The following KCNQ5 variants were observed in gnomAD, a reference collection of about 807,000 sequenced individuals.
The protein encoded by KCNQ5 is potassium voltage-gated channel subfamily KQT member 5.
Under a neutral mutation model 98.2 loss-of-function variants are expected in KCNQ5, and 30 were observed. That is an observed-to-expected ratio of 0.31 (90% CI 0.23 to 0.41). The LOEUF is 0.41. Ranked by LOEUF, KCNQ5 falls within the 10% of genes least tolerant of loss-of-function variation. The pLI, the probability that KCNQ5 is intolerant of heterozygous loss-of-function variation, is 1.00. For synonymous variants in KCNQ5, 458 were observed against 449.4 expected, an observed-to-expected ratio of 1.02 and a Z score of -0.24; for missense variants, 835 against 1,182.5, an observed-to-expected ratio of 0.71 and a Z score of 4.31.
At chr6:72,719,007 T>A (rs1769808865) in intron 1 of KCNQ5, among the ~76,000 whole-genome samples, 2 of 152,220 alleles carry the variant, frequency 1.3e-5, no homozygotes, top group Non-Finnish European at 2.9e-5. Flanking sequence ...GGTAGAGGTA[T>A]TTATATTTAG....
In KCNQ5 at chr6:72,933,447, G is replaced by A. The variant is rs79081786; in HGVS notation, c.399-70461G>A. 2.1e-3 allele frequency among the ~76,000 whole-genome samples: 315 copies of A among 152,212 alleles called. 1 individual carries two copies. Among genetic ancestry groups the A allele is most frequent in the African/African-American group, 7.5e-3 (310 of 41,536 alleles). On this transcript the variant is annotated intron_variant, in intron 1 of 13. Transcript: ENST00000370398. ...TGTTGGCGGTGGAGGGGATGAGGGA[G>A]GTTAGGAGGCAGCACCCTTTTTCTT...
At chr6:73,111,265 T>C (rs769642662) in intron 6 of KCNQ5, 43 bp from the exon 7 acceptor site, 3 of 1,351,234 alleles carry the variant, frequency 2.2e-6, no homozygotes, top group Non-Finnish European at 3.2e-6. Flanking sequence ...TATTTAACAG[T>C]GCTTTTGAAA....
At chr6:72,660,321 TC>T (rs1165725970) in intron 1 of KCNQ5, among the ~76,000 whole-genome samples, 1 of 152,198 alleles carries the variant, frequency 6.6e-6, no homozygotes, top group Non-Finnish European at 1.5e-5. Context: ...GGCAGAGCTA[TC>T]TTTGAGCTTA....
chr6:72,872,428 C>CA (rs928532113), intron 1 of KCNQ5, among the ~76,000 whole-genome samples: 3 of 152,040 alleles, frequency 2.0e-5, no homozygotes, highest in African/African-American at 7.2e-5. Context: ...TGAGTCTCAG[C>CA]AAAAAACAAA....
At chr6:72,749,904 T>G (rs2144088) in intron 1 of KCNQ5, among the ~76,000 whole-genome samples, 1 of 152,026 alleles carries the variant, frequency 6.6e-6, no homozygotes, top group South Asian at 2.1e-4. Context: ...CAAACCAGTC[T>G]TGAGTTAAGC....
chr6:72,976,131 C>T (rs1270461657), intron 1 of KCNQ5, among the ~76,000 whole-genome samples: 1 of 152,118 alleles, frequency 6.6e-6, no homozygotes, highest in African/African-American at 2.4e-5. Context: ...TTTATCCTTT[C>T]TTACTTTAGT....
intron 11 of KCNQ5, among the ~76,000 whole-genome samples, chr6:73,178,721 A>G (rs1357488388): frequency 6.6e-6 from 1 of 152,142 alleles, no homozygotes; most frequent in Non-Finnish European, 1.5e-5. Flanking sequence ...GGTCTTGTCT[A>G]GTAACCCGAT....
chr6:73,198,117 T>A lies in KCNQ5; in HGVS notation c.*2703T>A, dbSNP rs1765863797. 1 of 152,222 alleles carries A rather than the reference T, an allele frequency of 6.6e-6. No individual in the cohort carries two copies. The highest frequency in any genetic ancestry group is 1.5e-5 in the Non-Finnish European group (1 of 68,044). The allele number at this position is 152,222 out of a possible 1,614,324, so 9.4% of individuals were successfully genotyped here. A position where few individuals can be genotyped will look rare whatever the true frequency, so the allele number is the denominator to read the frequency against. ...TTTACACTAAGCAAATTTCCATTGGTCAATTTTAATGATGTCTTGAAGCAC... is the reference window on the plus strand; with the variant it reads ...TTTACACTAAGCAAATTTCCATTGGACAATTTTAATGATGTCTTGAAGCAC... On this transcript the variant is annotated 3_prime_UTR_variant, in exon 14 of 14. Coordinates refer to ENST00000370398, the MANE Select transcript of KCNQ5 (RefSeq NM_019842.4).
intron 1 of KCNQ5, among the ~76,000 whole-genome samples, chr6:72,770,293 A>G (rs983383574): frequency 6.6e-6 from 1 of 152,132 alleles, no homozygotes; most frequent in Non-Finnish European, 1.5e-5. Context: ...GATGATGGAC[A>G]TGGTACCTCA....
At chr6:73,034,915 G>T (rs1322512295) in intron 2 of KCNQ5, among the ~76,000 whole-genome samples, 1 of 147,574 alleles carries the variant, frequency 6.8e-6, no homozygotes, top group South Asian at 2.1e-4. Flanking sequence ...GCATGATCTC[G>T]GCTCACTGCA....
chr6:72,862,497 A>G (rs750206784), intron 1 of KCNQ5, among the ~76,000 whole-genome samples: 22 of 152,222 alleles, frequency 1.4e-4, no homozygotes, highest in Non-Finnish European at 2.8e-4. Context: ...GTTGCTTTCA[A>G]AAGATTTTTT....
At chr6:72,750,448 CA>C (rs1017069503) in intron 1 of KCNQ5, among the ~76,000 whole-genome samples, 2 of 151,964 alleles carry the variant, frequency 1.3e-5, no homozygotes, top group Non-Finnish European at 1.5e-5. Flanking sequence ...AATAAATTAT[CA>C]AGGTACTTTT....
intron 2 of KCNQ5, among the ~76,000 whole-genome samples, chr6:73,016,731 A>T (rs1390115706): frequency 6.6e-6 from 1 of 152,156 alleles, no homozygotes; most frequent in Non-Finnish European, 1.5e-5. Flanking sequence ...GAGAACTTAC[A>T]GGTTAAACCA....
chr6:73,159,125 A>T (rs1777509158), intron 10 of KCNQ5, among the ~76,000 whole-genome samples: 1 of 129,164 alleles, frequency 7.7e-6, no homozygotes, highest in African/African-American at 2.8e-5. Context: ...AGATTTGATA[A>T]AGAAAATGTG....
chr6:72,797,715 T>C (rs1774415766), intron 1 of KCNQ5, among the ~76,000 whole-genome samples: 1 of 152,152 alleles, frequency 6.6e-6, no homozygotes, highest in Non-Finnish European at 1.5e-5. Context: ...GAATAGTGGC[T>C]TAGTGCATGA....
At chr6:72,826,926 C>T (rs1346092051) in intron 1 of KCNQ5, among the ~76,000 whole-genome samples, 2 of 152,120 alleles carry the variant, frequency 1.3e-5, no homozygotes, top group African/African-American at 2.4e-5. Flanking sequence ...CTTTATACTT[C>T]CAAGAGATCA....
intron 1 of KCNQ5, among the ~76,000 whole-genome samples, chr6:72,767,007 T>C (rs1286140077): frequency 2.0e-5 from 3 of 151,878 alleles, no homozygotes; most frequent in African/African-American, 4.8e-5. Context: ...AAATGTGCTT[T>C]GAAGATAGAG....
At chr6:73,108,012 C>T (rs1375993829) in intron 6 of KCNQ5, among the ~76,000 whole-genome samples, 3 of 152,192 alleles carry the variant, frequency 2.0e-5, no homozygotes, top group African/African-American at 7.2e-5. Context: ...GACACATTGA[C>T]ATTTTGCTGA....
intron 1 of KCNQ5, among the ~76,000 whole-genome samples, chr6:72,744,571 G>A (rs1430527840): frequency 9.9e-5 from 15 of 152,184 alleles, no homozygotes. Context: ...AGTACTTTGG[G>A]AGGCCAAGGT....
Sources: allele counts gnomAD v4.1 joint callset (sites outside exome capture counted in the v4.1 genomes callset), GRCh38; gene constraint gnomAD v4.1.1; transcripts MANE v1.5; gene names NCBI Gene and HGNC (gene_info 2026-07-23, HGNC 2026-07-21).